Variants in SORCS2 observed in about 807,000 individuals in gnomAD.
SORCS2 encodes VPS10 domain-containing receptor SorCS2.
Under a neutral mutation model 141.6 loss-of-function variants are expected in SORCS2, and 100 were observed. That is an observed-to-expected ratio of 0.71 (90% CI 0.60 to 0.83). The LOEUF is 0.83. SORCS2 is among the 40% of genes least tolerant of loss of function. The pLI, the probability that SORCS2 is intolerant of heterozygous loss-of-function variation, is 0.00. For missense variants in SORCS2, 1,646 were observed against 1,560.2 expected, an observed-to-expected ratio of 1.05 and a Z score of -0.93; for synonymous variants, 789 against 676.9, an observed-to-expected ratio of 1.17 and a Z score of -2.57.
chr4:7,417,549 T>C (rs6837589), intron 2 of SORCS2, among the ~76,000 whole-genome samples: 123,045 of 152,132 alleles, frequency 0.81, 49,869 homozygotes, highest in South Asian at 0.85. Flanking sequence ...TGGGCAAGTC[T>C]TCTGCTGTTT....
intron 1 of SORCS2, among the ~76,000 whole-genome samples, chr4:7,374,182 TCTTTCTTTCTTTC>T (rs1560229518): frequency 7.6e-6 from 1 of 131,514 alleles, no homozygotes; most frequent in African/African-American, 3.0e-5. Context: ...TTTCTTTCTT[TCTTTCTTTCTTTC>T]TTTTTTGCAG....
chr4:7,714,604 T>C (rs1292286221), intron 16 of SORCS2, among the ~76,000 whole-genome samples: 1 of 152,174 alleles, frequency 6.6e-6, no homozygotes, highest in Admixed American at 6.5e-5. Flanking sequence ...TTTTTAAACC[T>C]TCTCAGTGGC....
chr4:7,335,429 C>T (rs1466499974), intron 1 of SORCS2, among the ~76,000 whole-genome samples: 3 of 152,224 alleles, frequency 2.0e-5, no homozygotes, highest in Non-Finnish European at 4.4e-5. Context: ...AGAGGAATTC[C>T]TCCAGGCCCG....
At chr4:7,510,059 A>T (rs1247624211) in intron 2 of SORCS2, among the ~76,000 whole-genome samples, 2 of 152,266 alleles carry the variant, frequency 1.3e-5, no homozygotes, top group Non-Finnish European at 2.9e-5. Flanking sequence ...TGATCTTTAA[A>T]TGCCATGTTT....
chr4:7,724,480 GTGA>G (rs147164731), intron 19 of SORCS2, among the ~76,000 whole-genome samples: 47 of 71,452 alleles, frequency 6.6e-4, no homozygotes, highest in Non-Finnish European at 8.9e-4. Flanking sequence ...GGTGATGGTG[GTGA>G]TGGTGGTGGT....
chr4:7,631,534 C>T (rs545419329), intron 3 of SORCS2, among the ~76,000 whole-genome samples: 6 of 152,156 alleles, frequency 3.9e-5, no homozygotes, highest in Non-Finnish European at 5.9e-5. Flanking sequence ...GATGGACAGC[C>T]TCTCCTCCAC....
At chr4:7,203,435 T>C (rs1319642162) in intron 1 of SORCS2, among the ~76,000 whole-genome samples, 1 of 150,110 alleles carries the variant, frequency 6.7e-6, no homozygotes, top group African/African-American at 2.5e-5. Flanking sequence ...AAAAAAATTC[T>C]TTTTTCTTTA....
intron 11 of SORCS2, among the ~76,000 whole-genome samples, chr4:7,691,083 C>T (rs1159646334): frequency 6.6e-6 from 1 of 152,198 alleles, no homozygotes; most frequent in African/African-American, 2.4e-5. Flanking sequence ...ACAGCAGAGG[C>T]ACAGGCCCAG....
At chr4:7,453,250 T>A (rs1420687831) in intron 2 of SORCS2, among the ~76,000 whole-genome samples, 2 of 83,424 alleles carry the variant, frequency 2.4e-5, no homozygotes, top group Admixed American at 1.5e-4. Flanking sequence ...TGGGGTCAGG[T>A]GCTGTGTTGG....
intron 1 of SORCS2, among the ~76,000 whole-genome samples, chr4:7,390,460 A>C (rs1323295107): frequency 6.6e-6 from 1 of 152,232 alleles, no homozygotes; most frequent in Non-Finnish European, 1.5e-5. Flanking sequence ...CCTGAAGAGC[A>C]AACCTGGTAA....
At chr4:7,630,904 C>A (rs1020585260) in intron 3 of SORCS2, among the ~76,000 whole-genome samples, 1 of 152,050 alleles carries the variant, frequency 6.6e-6, no homozygotes, top group East Asian at 1.9e-4. Context: ...ATCCTTAGGG[C>A]TAAACTTGGT....
At chr4:7,621,269 C>T (rs1174702770) in intron 3 of SORCS2, among the ~76,000 whole-genome samples, 1 of 152,206 alleles carries the variant, frequency 6.6e-6, no homozygotes, top group Admixed American at 6.5e-5. Context: ...CCCACTCCCT[C>T]CCGGCATCTC....
intron 1 of SORCS2, among the ~76,000 whole-genome samples, chr4:7,275,906 C>T (rs1430767991): frequency 1.3e-5 from 2 of 152,108 alleles, no homozygotes; most frequent in South Asian, 2.1e-4. Flanking sequence ...GTCAAAAACC[C>T]GGGACTCCTA....
At chr4:7,499,771 G>C (rs1440891566) in intron 2 of SORCS2, among the ~76,000 whole-genome samples, 2 of 151,932 alleles carry the variant, frequency 1.3e-5, no homozygotes, top group African/African-American at 4.8e-5. Flanking sequence ...AACCCCACAA[G>C]TCATTAAATC....
At chr4:7,487,618 G>A (rs1393587740) in intron 2 of SORCS2, among the ~76,000 whole-genome samples, 1 of 152,256 alleles carries the variant, frequency 6.6e-6, no homozygotes, top group African/African-American at 2.4e-5. Flanking sequence ...TCACCAGCCT[G>A]CAGGGCAGCT....
intron 3 of SORCS2, among the ~76,000 whole-genome samples, chr4:7,611,181 T>C (rs1002724601): frequency 3.3e-5 from 5 of 152,186 alleles, no homozygotes; most frequent in African/African-American, 4.8e-5. Context: ...TGAAAGACTT[T>C]AGCTGGTAAA....
chr4:7,707,460 A>C (rs1216332299), intron 14 of SORCS2, among the ~76,000 whole-genome samples: 1 of 152,226 alleles, frequency 6.6e-6, no homozygotes, highest in African/African-American at 2.4e-5. Context: ...ACAGGGAAGA[A>C]GTGGTGAGTG....
intron 1 of SORCS2, among the ~76,000 whole-genome samples, chr4:7,339,431 AG>A (rs1720234841): frequency 6.6e-6 from 1 of 152,194 alleles, no homozygotes; most frequent in Non-Finnish European, 1.5e-5. Context: ...CCTGAGATCG[AG>A]GTGCCTGCAA....
chr4:7,228,023 C>T (rs1392954453), intron 1 of SORCS2, among the ~76,000 whole-genome samples: 1 of 152,180 alleles, frequency 6.6e-6, no homozygotes, highest in East Asian at 1.9e-4. Flanking sequence ...CATTTCTTGG[C>T]CACAGTGTCC....
Sources: allele counts gnomAD v4.1 joint callset (sites outside exome capture counted in the v4.1 genomes callset), GRCh38; gene constraint gnomAD v4.1.1; transcripts MANE v1.5; gene names NCBI Gene and HGNC (gene_info 2026-07-23, HGNC 2026-07-21).